The following CRPPA variants were observed in gnomAD, a reference collection of about 807,000 sequenced individuals.
The protein encoded by CRPPA is D-ribitol-5-phosphate cytidylyltransferase.
In CRPPA, 43 loss-of-function variants were observed where a neutral mutation model predicts 52.0. The ratio of observed to expected loss-of-function variants is 0.83; its 90% CI spans 0.65 to 1.07. The LOEUF (loss-of-function observed/expected upper bound fraction) is 1.07. Ranked by LOEUF, CRPPA falls within the 50% of genes least tolerant of loss-of-function variation. The pLI is 0.00. For synonymous variants in CRPPA, 250 were observed against 203.5 expected (o/e 1.23, Z -1.94); for missense variants, 629 against 551.7 (o/e 1.14, Z -1.40).
chr7:16,298,378 G>A (rs1481597796), intron 5 of CRPPA, among the ~76,000 whole-genome samples: 2 of 152,140 alleles, frequency 1.3e-5, no homozygotes, highest in Non-Finnish European at 2.9e-5. Flanking sequence ...AACTGCCTAA[G>A]GCAGAGACTT....
At chr7:16,281,327 A>G (rs187937416) in intron 5 of CRPPA, among the ~76,000 whole-genome samples, 1 of 152,236 alleles carries the variant, frequency 6.6e-6, no homozygotes, top group Admixed American at 6.5e-5. Flanking sequence ...ATTGATTTTT[A>G]ATTTCCTATT....
At chr7:16,214,708 T>C in intron 9 of CRPPA, among the ~76,000 whole-genome samples, 1 of 152,160 alleles carries the variant, frequency 6.6e-6, no homozygotes, top group East Asian at 1.9e-4. Context: ...GGTTTCACCG[T>C]GTTGGCCAGG....
At chr7:16,209,273 C>CTGTTTTTTTTTTTTTTTTTTTTT (rs1554289526) in intron 9 of CRPPA, 1 of 122,066 alleles carries the variant, frequency 8.2e-6, no homozygotes, top group African/African-American at 2.9e-5. Context: ...TTCTAAGTGT[C>CTGTTTTTTTTTTTTTTTTTTTTT]TTTTTTTTTT....
chr7:16,278,107 A>C, intron 6 of CRPPA, 22 bp downstream of exon 6: 1 of 1,278,756 alleles, frequency 7.8e-7, no homozygotes, highest in Non-Finnish European at 1.1e-6. Flanking sequence ...AAGTTTATCA[A>C]ACTCAGTCTT....
intron 9 of CRPPA, among the ~76,000 whole-genome samples, chr7:16,129,619 C>T (rs1414034907): frequency 6.6e-6 from 1 of 152,068 alleles, no homozygotes; most frequent in Non-Finnish European, 1.5e-5. Context: ...GAATATGTGT[C>T]ATGTTACTGA....
chr7:16,266,970 G>C (rs1210052088), intron 6 of CRPPA, among the ~76,000 whole-genome samples: 2 of 152,178 alleles, frequency 1.3e-5, no homozygotes, highest in South Asian at 4.1e-4. Context: ...GTAACTATTA[G>C]TGGAAATCAC....
chr7:16,383,410 G>T (rs189726448), intron 2 of CRPPA, among the ~76,000 whole-genome samples: 3 of 152,212 alleles, frequency 2.0e-5, no homozygotes, highest in Admixed American at 2.0e-4. Context: ...CTACTGGGGG[G>T]TGCCTCCCAG....
intron 3 of CRPPA, among the ~76,000 whole-genome samples, chr7:16,342,332 A>G (rs1328431369): frequency 6.6e-6 from 1 of 152,196 alleles, no homozygotes; most frequent in Non-Finnish European, 1.5e-5. Flanking sequence ...TGAAAATAAT[A>G]TATTTCATTT....
intron 3 of CRPPA, among the ~76,000 whole-genome samples, chr7:16,313,518 A>T (rs192521340): frequency 1.3e-5 from 2 of 151,952 alleles, no homozygotes; most frequent in East Asian, 3.9e-4. Context: ...TTCTCTACTG[A>T]CTTCCTATTA....
chr7:16,276,205 T>A (rs1784201094), intron 6 of CRPPA, among the ~76,000 whole-genome samples: 1 of 152,096 alleles, frequency 6.6e-6, no homozygotes, highest in Non-Finnish European at 1.5e-5. Flanking sequence ...AAAGAACATG[T>A]AAGCTTCATC....
At chr7:16,254,284 C>A (rs1783551691) in intron 8 of CRPPA, among the ~76,000 whole-genome samples, 1 of 152,142 alleles carries the variant, frequency 6.6e-6, no homozygotes, top group African/African-American at 2.4e-5. Flanking sequence ...AAGACGCATG[C>A]ACACCTATGT....
rs144559335 is a variant in CRPPA, at chr7:16,371,129, GAGCTCCCCC to G, written c.684+4954_684+4962del. On this transcript the variant is annotated intron_variant, in intron 3 of 9. Coordinates refer to ENST00000407010, the MANE Select transcript of CRPPA (RefSeq NM_001101426.4). ...ATAAATCTTCAGCATGTCTAATTGA[GAGCTCCCCC>G]AGCCACCTTTATCAAGGCTAGGACC... Among the ~76,000 whole-genome samples the G allele has an allele frequency of 5.0e-4, 76 of 152,154 alleles. 1 individual carries two copies. The East Asian group carries it at 0.015, about 29-fold the overall frequency.
rs75911063 is a variant in CRPPA at position 16,153,303 on chromosome 7, G to C, written c.1252-61504C>G. ...ATCAAGGGTCAACAAACCACAATCT[G>C]TGAGCAAAGTCTTTCCCTGTGGCTT... On this transcript the variant is annotated intron_variant, in intron 9 of 9. Transcript: ENST00000407010. Among the ~76,000 whole-genome samples the C allele has an allele frequency of 3.7e-3, 567 of 152,054 alleles. 2 individuals are homozygous for C. The highest frequency in any genetic ancestry group is 0.013 in the African/African-American group (555 of 41,512).
chr7:16,377,111 T>C (rs554034403), intron 2 of CRPPA, among the ~76,000 whole-genome samples: 1 of 152,214 alleles, frequency 6.6e-6, no homozygotes, highest in South Asian at 2.1e-4. Context: ...GAGACCAACA[T>C]CTGAACAAGA....
At chr7:16,403,556 A>G (rs1319277665) in intron 2 of CRPPA, among the ~76,000 whole-genome samples, 1 of 152,120 alleles carries the variant, frequency 6.6e-6, no homozygotes, top group African/African-American at 2.4e-5. Context: ...AGGAAGAAAA[A>G]ATAATCAGTT....
rs533602645 is a variant in CRPPA at position 16,288,729 on chromosome 7, C to A, written c.836-10503G>T. On this transcript the variant is annotated intron_variant, in intron 5 of 9. Coordinates refer to ENST00000407010, the MANE Select transcript of CRPPA (RefSeq NM_001101426.4). ...AGGCATGGTTATACATGCCTGTAATCCCAGCTACTCAGGAGGCTGAGGTAG... is the reference window on the plus strand; with the variant it reads ...AGGCATGGTTATACATGCCTGTAATACCAGCTACTCAGGAGGCTGAGGTAG... Among the ~76,000 whole-genome samples, 15 of 151,550 alleles carry A rather than the reference C, an allele frequency of 9.9e-5. No homozygotes were observed. In the South Asian group the frequency reaches 2.9e-3, roughly 30 times the overall value.
chr7:16,397,569 G>A (rs903814179), intron 2 of CRPPA, among the ~76,000 whole-genome samples: 3 of 147,362 alleles, frequency 2.0e-5, no homozygotes, highest in East Asian at 4.0e-4. Context: ...TGACCAATTT[G>A]ACTGACATAT....
chr7:16,337,594 T>C (rs1226864558), intron 3 of CRPPA, among the ~76,000 whole-genome samples: 1 of 151,458 alleles, frequency 6.6e-6, no homozygotes, highest in Non-Finnish European at 1.5e-5. Context: ...GAAAAAAAAA[T>C]TGACAACTGT....
chr7:16,344,681 GAA>G (rs1270843021), intron 3 of CRPPA, among the ~76,000 whole-genome samples: 1 of 152,010 alleles, frequency 6.6e-6, no homozygotes, highest in African/African-American at 2.4e-5. Flanking sequence ...TGAAAAAGAA[GAA>G]AAAGGTATAA....
Sources: gnomAD v4.1 joint callset for allele counts (sites outside exome capture counted in the v4.1 genomes callset) on GRCh38, gnomAD v4.1.1 for gene constraint, MANE v1.5 for transcripts, NCBI Gene and HGNC (gene_info 2026-07-23, HGNC 2026-07-21) for gene names.